Variants in ASXL3 observed in about 807,000 individuals in gnomAD.
ASXL3 encodes ASXL transcriptional regulator 3, also known as putative Polycomb group protein ASXL3.
A neutral mutation model predicts 170.6 loss-of-function variants in ASXL3; 34 were observed. The observed-to-expected ratio is 0.20, with a 90% CI of 0.15 to 0.27. The LOEUF (loss-of-function observed/expected upper bound fraction) is 0.27, where lower values mean the gene tolerates loss of function less well. Among genes scored for constraint, ASXL3 ranks in the 10% least tolerant of loss-of-function variants. The probability of loss-of-function intolerance (pLI) is 1.00; values close to 1 mark genes in which losing one functional copy is unlikely to be tolerated. For missense variants in ASXL3, 2,592 were observed against 2,695.3 expected (o/e 0.96, Z 0.85); for synonymous variants, 1,002 against 989.1 (o/e 1.01, Z -0.24).
At chr18:33,702,471 G>T (rs1435712707) in intron 8 of ASXL3, among the ~76,000 whole-genome samples, 1 of 152,054 alleles carries the variant, frequency 6.6e-6, no homozygotes, top group Non-Finnish European at 1.5e-5. Context: ...GCACAGCCTT[G>T]GTTGGCCATG....
At chr18:33,664,552 A>G (rs1024065784) in intron 5 of ASXL3, among the ~76,000 whole-genome samples, 2 of 152,208 alleles carry the variant, frequency 1.3e-5, no homozygotes, top group Non-Finnish European at 2.9e-5. Context: ...TAACCAGCGT[A>G]GACTCTTAGA....
chr18:33,740,003 A>G lies in ASXL3; in HGVS notation c.2599A>G (p.Ser867Gly). ...TGAAATGATAAAAGTTAAAAATCAT[A>G]GCGTCCTGCAAAGAACAGAAAAAAA... The part of the protein sequence containing the change: ...STEMIKVKNH[S>G]VLQRTEKKVL... The change falls in exon 11 of 12, where the codon AGC becomes GGC. Residue 867 changes from serine to glycine, a missense_variant. Ser to Gly is a moderately conservative substitution (Grantham distance 56). Around this residue, in one of 4 missense-constraint regions of ASXL3, gnomAD observed 2,246 missense variants for 2,219.6 expected, o/e 1.01. Coordinates refer to ENST00000269197, the MANE Select transcript of ASXL3 (RefSeq NM_030632.3). The G allele has an allele frequency of 6.2e-7, 1 of 1,613,942 alleles. No homozygotes were observed. The highest frequency in any genetic ancestry group is 8.5e-7 in the Non-Finnish European group (1 of 1,179,864).
chr18:33,635,783 C>G (rs2065754115), intron 2 of ASXL3, among the ~76,000 whole-genome samples: 1 of 152,150 alleles, frequency 6.6e-6, no homozygotes, highest in Non-Finnish European at 1.5e-5. Context: ...CCTTCACAGA[C>G]ATGATTGCAG....
Position 33,578,494 on chromosome 18 carries a change from G to GCCA in ASXL3, c.-136_-135insACC, listed in dbSNP as rs1555715114. On this transcript the variant is annotated 5_prime_UTR_variant, in exon 1 of 12. Coordinates refer to ENST00000269197, the MANE Select transcript of ASXL3 (RefSeq NM_030632.3). ...CGCCGCCGCCGCCGCCGCCGCCGCCGCCGCCACCGCCCGCGCGCCTCCCCC... is the reference window on the plus strand; with the variant it reads ...CGCCGCCGCCGCCGCCGCCGCCGCCGCCACCGCCACCGCCCGCGCGCCTCCCCC... 4.4e-5 allele frequency: 13 copies of GCCA among 293,544 alleles called. No individual in the cohort carries two copies. In the East Asian group the frequency reaches 7.8e-4, roughly 18 times the overall value. 18.2% of individuals were successfully genotyped at this position (293,544 alleles called of 1,614,324 possible).
At chr18:33,742,851 G>GA in intron 11 of ASXL3, 37 bp from the exon 12 acceptor site, 2 of 1,550,286 alleles carry the variant, frequency 1.3e-6, no homozygotes, top group Admixed American at 4.1e-5. Flanking sequence ...GATCATGTAT[G>GA]AAGCACATTA....
intron 1 of ASXL3, among the ~76,000 whole-genome samples, chr18:33,579,545 G>A (rs1325310331): frequency 6.6e-6 from 1 of 152,158 alleles, no homozygotes; most frequent in Non-Finnish European, 1.5e-5. Context: ...AGAAATGCCG[G>A]TTGGCAGAGG....
At chr18:33,597,111 A>T (rs568732042) in intron 1 of ASXL3, among the ~76,000 whole-genome samples, 1 of 152,246 alleles carries the variant, frequency 6.6e-6, no homozygotes, top group East Asian at 1.9e-4. Context: ...CACTGCGCCT[A>T]GCCTTGAGCT....
intron 2 of ASXL3, 105 bp from the exon 3 acceptor site, chr18:33,644,789 A>AT (rs1050734249): frequency 1.7e-5 from 11 of 630,986 alleles, no homozygotes; most frequent in African/African-American, 1.5e-4. Context: ...TTTTTTAATT[A>AT]TTTTTTTATT....
At chr18:33,674,921 C>T (rs541614103) in intron 7 of ASXL3, among the ~76,000 whole-genome samples, 49 of 152,264 alleles carry the variant, frequency 3.2e-4, no homozygotes, top group African/African-American at 1.1e-3. Context: ...CCCAGCCACC[C>T]ATGTCTTTTT....
intron 8 of ASXL3, among the ~76,000 whole-genome samples, chr18:33,714,291 C>T (rs2145357047): frequency 6.6e-6 from 1 of 152,290 alleles, no homozygotes; most frequent in Middle Eastern, 3.4e-3. Context: ...CATTTCAGCA[C>T]AGCACGTTGC....
chr18:33,649,359 C>T (rs1204574219), intron 4 of ASXL3, among the ~76,000 whole-genome samples: 1 of 151,924 alleles, frequency 6.6e-6, no homozygotes, highest in Non-Finnish European at 1.5e-5. Context: ...GTGGAAGGGG[C>T]TCGTAGAAGT....
intron 4 of ASXL3, 65 bp downstream of exon 4, chr18:33,646,418 A>G: frequency 8.6e-7 from 1 of 1,159,134 alleles, no homozygotes. Context: ...AATGCCAATG[A>G]TTCATTAATT....
intron 4 of ASXL3, chr18:33,649,438 G>A (rs1021330571): frequency 3.3e-5 from 5 of 152,090 alleles, no homozygotes; most frequent in Non-Finnish European, 7.4e-5. Flanking sequence ...GTGAGAATAG[G>A]GGAGGTAGTT....
chr18:33,688,789 C>T (rs1464855427), intron 8 of ASXL3, among the ~76,000 whole-genome samples: 2 of 152,160 alleles, frequency 1.3e-5, no homozygotes, highest in East Asian at 3.9e-4. Context: ...CTTCAGTCTT[C>T]TTTGTGCTGC....
In ASXL3 at chr18:33,748,333, T is replaced by G. The variant is rs2067830613; in HGVS notation, c.*1738T>G. ...TATGTTTTTTTCTCCGTATTTATTG[T>G]GATGTTGCCAAATTTCTTTCTTTAG... On this transcript the variant is annotated 3_prime_UTR_variant, in exon 12 of 12. Coordinates refer to ENST00000269197, the MANE Select transcript of ASXL3 (RefSeq NM_030632.3). 1 of 152,214 alleles carries G rather than the reference T, an allele frequency of 6.6e-6. No individual in the cohort carries two copies. Among genetic ancestry groups the G allele is most frequent in the African/African-American group, 2.4e-5 (1 of 41,452 alleles). 9.4% of individuals were successfully genotyped at this position (152,214 alleles called of 1,614,324 possible).
chr18:33,633,798 TCAGGC>T (rs1020249114), intron 2 of ASXL3, among the ~76,000 whole-genome samples: 37 of 131,922 alleles, frequency 2.8e-4, no homozygotes, highest in Admixed American at 2.4e-3. Context: ...TGAGCCAAGA[TCAGGC>T]CACTGCATTA....
chr18:33,745,349 C>G lies in ASXL3; in HGVS notation c.5501C>G (p.Thr1834Ser), dbSNP rs1197471473. ...CACCCCAAAAAGAGAGTAGCTAGGACTGTAGGAGAACACACTCAAGTTAAA... is the reference window on the plus strand; with the variant it reads ...CACCCCAAAAAGAGAGTAGCTAGGAGTGTAGGAGAACACACTCAAGTTAAA... Reference protein sequence around the residue: ...ENHPKKRVARTVGEHTQVKCE... With the variant: ...ENHPKKRVARSVGEHTQVKCE... The change falls in exon 12 of 12, where the codon ACT becomes AGT. Residue 1834 changes from threonine (T) to serine (S), a missense_variant. Thr to Ser is a moderately conservative substitution (Grantham distance 58). This residue lies in a region of ASXL3 where 2,246 missense variants were observed against 2,219.6 expected (regional missense o/e 1.01). Transcript: ENST00000269197. The G allele has an allele frequency of 6.2e-7, 1 of 1,613,864 alleles. No homozygotes were observed. Among genetic ancestry groups the G allele is most frequent in the South Asian group, 1.1e-5 (1 of 91,084 alleles).
chr18:33,726,951 C>T (rs1389538775), intron 8 of ASXL3, among the ~76,000 whole-genome samples: 4 of 152,188 alleles, frequency 2.6e-5, no homozygotes, highest in Non-Finnish European at 5.9e-5. Context: ...CATTTATATT[C>T]TCTTCGCTTG....
rs1266691746 is a variant in ASXL3, at chr18:33,750,219, C to T, written c.*3624C>T. The T allele has an allele frequency of 2.0e-5, 3 of 152,204 alleles. No homozygotes were observed. Among genetic ancestry groups the T allele is most frequent in the Non-Finnish European group, 4.4e-5 (3 of 68,038 alleles). The allele number at this position is 152,204 out of a possible 1,614,324, so 9.4% of individuals were successfully genotyped here. On this transcript the variant is annotated 3_prime_UTR_variant, in exon 12 of 12. Transcript: ENST00000269197. The stretch of plus-strand genomic sequence containing the variant: ...GAACTCTGAATCAGACTGTCAGGGG[C>T]CTATGTAGCCAAAATGTTACTAAAT...
Sources: gnomAD v4.1 joint callset for allele counts (sites outside exome capture counted in the v4.1 genomes callset) on GRCh38, gnomAD v4.1.1 for gene constraint, gnomAD v4.1.1 regional missense constraint, MANE v1.5 for transcripts, NCBI Gene and HGNC (gene_info 2026-07-23, HGNC 2026-07-21) for gene names.